Variants in EEFSEC observed in about 807,000 individuals in gnomAD.
The protein encoded by EEFSEC is selenocysteine-specific elongation factor.
Under a neutral mutation model 42.1 loss-of-function variants are expected in EEFSEC, and 43 were observed. The ratio of observed to expected loss-of-function variants is 1.02; its 90% CI spans 0.80 to 1.32. The LOEUF (loss-of-function observed/expected upper bound fraction) is 1.32, where lower values mean the gene tolerates loss of function less well. EEFSEC is among the 40% of genes most tolerant of loss of function. The pLI, the probability that EEFSEC is intolerant of heterozygous loss-of-function variation, is 0.00. For missense variants in EEFSEC, 745 were observed against 803.6 expected, an observed-to-expected ratio of 0.93 and a Z score of 0.88; for synonymous variants, 354 against 339.1, an observed-to-expected ratio of 1.04 and a Z score of -0.48.
At chr3:128,293,844 C>T (rs2066674241) in intron 4 of EEFSEC, among the ~76,000 whole-genome samples, 1 of 152,024 alleles carries the variant, frequency 6.6e-6, no homozygotes. Flanking sequence ...GGAGTATCTT[C>T]CCTGTGGAGT....
intron 6 of EEFSEC, among the ~76,000 whole-genome samples, chr3:128,397,980 C>G (rs1017387567): frequency 6.6e-6 from 1 of 152,250 alleles, no homozygotes; most frequent in Non-Finnish European, 1.5e-5. Flanking sequence ...CTGCTCACCC[C>G]CCAGCCTCTG....
downstream of EEFSEC, among the ~76,000 whole-genome samples, chr3:128,409,297 G>A (rs3749372): frequency 0.064 from 9,791 of 152,200 alleles, 706 homozygotes; most frequent in East Asian, 0.38. Context: ...TTTGCAAATG[G>A]CATTAAAAAT....
At chr3:128,203,677 T>C (rs2065665120) in intron 1 of EEFSEC, among the ~76,000 whole-genome samples, 1 of 152,200 alleles carries the variant, frequency 6.6e-6, no homozygotes, top group Non-Finnish European at 1.5e-5. Context: ...AGTATCTACC[T>C]TTTTTTATCA....
At chr3:128,343,412 C>T (rs894244454) in intron 5 of EEFSEC, among the ~76,000 whole-genome samples, 1 of 152,142 alleles carries the variant, frequency 6.6e-6, no homozygotes, top group Non-Finnish European at 1.5e-5. Context: ...AGGAGCAACC[C>T]CTTCCTCTCC....
At chr3:128,160,327 A>G (rs538187075) in intron 1 of EEFSEC, among the ~76,000 whole-genome samples, 57 of 152,338 alleles carry the variant, frequency 3.7e-4, no homozygotes, top group African/African-American at 1.3e-3. Flanking sequence ...TAAACATGCC[A>G]TTGTGTCTCA....
the EEFSEC span, among the ~76,000 whole-genome samples, chr3:128,421,611 T>C: frequency 6.6e-6 from 1 of 152,150 alleles, no homozygotes; most frequent in African/African-American, 2.4e-5. Flanking sequence ...TGCCGACTTT[T>C]CCCGAAGGTG....
intron 2 of EEFSEC, among the ~76,000 whole-genome samples, chr3:128,261,839 C>T (rs1055959686): frequency 3.3e-5 from 5 of 152,210 alleles, no homozygotes; most frequent in African/African-American, 1.2e-4. Context: ...GCCAGGATCA[C>T]TGCTGCCTCC....
rs1286277072 is a variant in EEFSEC at position 128,341,866 on chromosome 3, C to T, written c.1420C>T (p.His474Tyr). The part of the protein sequence containing the change: ...LPRLKVYKLK[H>Y]KHGLVERAMD... Reference sequence around the variant, plus strand: ...CAGGCTGAAGGTGTACAAGCTGAAGCACAAGCATGGCCTTGTGGAGCGGGT... The same window carrying T: ...CAGGCTGAAGGTGTACAAGCTGAAGTACAAGCATGGCCTTGTGGAGCGGGT... The change falls in exon 5 of 7, where the codon CAC (histidine) becomes TAC (tyrosine). Residue 474 changes from histidine to tyrosine, a missense_variant. Physicochemically the swap from His to Tyr is moderately conservative, Grantham distance 83. Coordinates refer to ENST00000254730, the MANE Select transcript of EEFSEC (RefSeq NM_021937.5). 2.5e-6 allele frequency: 4 copies of T among 1,613,592 alleles called. No homozygotes were observed. The highest frequency in any genetic ancestry group is 1.1e-5 in the South Asian group (1 of 91,074).
intron 5 of EEFSEC, among the ~76,000 whole-genome samples, chr3:128,350,129 G>A (rs953210976): frequency 1.2e-4 from 18 of 152,334 alleles, no homozygotes; most frequent in African/African-American, 3.1e-4. Flanking sequence ...AGGAGCACTC[G>A]CCAGCTTTGA....
At chr3:128,246,676 C>T (rs1181078986) in intron 1 of EEFSEC, among the ~76,000 whole-genome samples, 160 bp from the exon 2 acceptor site, 1 of 152,230 alleles carries the variant, frequency 6.6e-6, no homozygotes, top group African/African-American at 2.4e-5. Flanking sequence ...AGCTTCAGGT[C>T]CAAGTGCCTA....
intron 1 of EEFSEC, among the ~76,000 whole-genome samples, chr3:128,226,691 T>C (rs1186090277): frequency 7.2e-5 from 11 of 152,012 alleles, no homozygotes; most frequent in Non-Finnish European, 1.0e-4. Context: ...TGTCTGTATG[T>C]GTGTGTGTGT....
chr3:128,323,213 A>G lies in EEFSEC; in HGVS notation c.787-18020A>G, dbSNP rs560352147. 8.2e-4 allele frequency among the ~76,000 whole-genome samples: 125 copies of G among 152,276 alleles called. 1 individual carries two copies. The highest frequency in any genetic ancestry group is 2.7e-3 in the African/African-American group (114 of 41,534). On this transcript the variant is annotated intron_variant, in intron 4 of 6. Coordinates refer to ENST00000254730, the MANE Select transcript of EEFSEC (RefSeq NM_021937.5). ...AATCTCTCCAGATAACCAGGAAAAC[A>G]CTTGTCAGCCCTGAGCTTTGCTTGT...
intron 1 of EEFSEC, among the ~76,000 whole-genome samples, chr3:128,202,119 TG>T (rs1287695842): frequency 1.1e-4 from 17 of 152,234 alleles, no homozygotes; most frequent in Non-Finnish European, 2.1e-4. Context: ...AGTCAAGTAG[TG>T]TAAGTCCTCC....
intron 4 of EEFSEC, among the ~76,000 whole-genome samples, chr3:128,338,040 T>C (rs1357236918): frequency 6.6e-6 from 1 of 152,206 alleles, no homozygotes; most frequent in Non-Finnish European, 1.5e-5. Flanking sequence ...GTCCAGGTTG[T>C]GCTAAATACA....
intron 6 of EEFSEC, among the ~76,000 whole-genome samples, chr3:128,385,281 G>A (rs947122587): frequency 6.6e-6 from 1 of 152,184 alleles, no homozygotes; most frequent in South Asian, 2.1e-4. Context: ...GGCAGGCAGC[G>A]CAGGAGAGTA....
intron 5 of EEFSEC, among the ~76,000 whole-genome samples, chr3:128,348,407 C>T (rs1452888326): frequency 6.6e-6 from 1 of 151,998 alleles, no homozygotes; most frequent in African/African-American, 2.4e-5. Context: ...AAATTTTTCT[C>T]TTTTTCAGTG....
At chr3:128,213,781 A>G (rs764382278) in intron 1 of EEFSEC, among the ~76,000 whole-genome samples, 2 of 152,160 alleles carry the variant, frequency 1.3e-5, no homozygotes, top group African/African-American at 4.8e-5. Context: ...TTTTTATGGA[A>G]GTTTTTGCTT....
intron 1 of EEFSEC, among the ~76,000 whole-genome samples, chr3:128,227,753 T>C (rs995814805): frequency 2.0e-5 from 3 of 152,308 alleles, no homozygotes; most frequent in Admixed American, 1.3e-4. Context: ...GGGCCTTGGA[T>C]GAGAGTTCCT....
At chr3:128,419,422 A>T in the EEFSEC span, among the ~76,000 whole-genome samples, 1 of 152,338 alleles carries the variant, frequency 6.6e-6, no homozygotes, top group Non-Finnish European at 1.5e-5. Flanking sequence ...GTGCAGAATG[A>T]TGCTGTTTAC....
Sources: gnomAD v4.1 joint callset for allele counts (sites outside exome capture counted in the v4.1 genomes callset) on GRCh38, gnomAD v4.1.1 for gene constraint, MANE v1.5 for transcripts, NCBI Gene and HGNC (gene_info 2026-07-23, HGNC 2026-07-21) for gene names.